CASZ1: variants seen among roughly 807,000 people sequenced by gnomAD.
CASZ1 encodes zinc finger protein castor homolog 1.
Under a neutral mutation model 135.2 loss-of-function variants are expected in CASZ1, and 28 were observed. The observed-to-expected ratio is 0.21, with a 90% CI of 0.15 to 0.28. CASZ1 has a LOEUF of 0.28. Ranked by LOEUF, CASZ1 falls within the 10% of genes least tolerant of loss-of-function variation. The pLI is 1.00. For synonymous variants in CASZ1, 1,068 were observed against 1,073.4 expected, an observed-to-expected ratio of 0.99 and a Z score of 0.10; for missense variants, 2,161 against 2,453.3, an observed-to-expected ratio of 0.88 and a Z score of 2.52.
rs568055668 is a variant in CASZ1, at chr1:10,777,380, C to T, written c.-233-16523G>A. On this transcript the variant is annotated intron_variant, in intron 1 of 20. Transcript: ENST00000377022. The surrounding 1 kb of genome is among the most constrained non-coding windows in gnomAD (Gnocchi z 4.4). ...ACTTCACCCTTCACCCACAAGCCTC[C>T]TTTCTCTTATTGGTCAAACCACCGC... Among the ~76,000 whole-genome samples, 1 of 152,216 alleles carries T rather than the reference C, an allele frequency of 6.6e-6. No homozygotes were observed. The highest frequency in any genetic ancestry group is 2.1e-4 in the South Asian group (1 of 4,798).
intron 5 of CASZ1, among the ~76,000 whole-genome samples, chr1:10,662,599 C>G (rs943828806): frequency 4.1e-5 from 6 of 145,714 alleles, no homozygotes; most frequent in Non-Finnish European, 6.0e-5. Context: ...CACAATCACA[C>G]ACACTCTCAC....
intron 4 of CASZ1, among the ~76,000 whole-genome samples, chr1:10,680,278 C>A (rs7523471): frequency 1.1e-5 from 1 of 93,300 alleles, no homozygotes; most frequent in African/African-American, 4.3e-5. Context: ...GGCGGGGCGG[C>A]GGGGGATGGT....
At chr1:10,661,958 TAC>T (rs201794446) in intron 5 of CASZ1, among the ~76,000 whole-genome samples, 8 of 145,240 alleles carry the variant, frequency 5.5e-5, no homozygotes, top group Admixed American at 1.4e-4. Context: ...CGCCATCACA[TAC>T]ACACTCACAT....
chr1:10,734,768 G>A (rs999680868), intron 2 of CASZ1, among the ~76,000 whole-genome samples: 4 of 152,208 alleles, frequency 2.6e-5, no homozygotes, highest in African/African-American at 9.7e-5. Flanking sequence ...TTCTCTAACC[G>A]GAGCACCACA....
At chr1:10,649,897 G>A (rs969427668) in intron 13 of CASZ1, 1 of 155,240 alleles carries the variant, frequency 6.4e-6, no homozygotes, top group Non-Finnish European at 1.4e-5. Context: ...GGAGGCTCAC[G>A]GGTGAGACCC....
Position 10,647,553 on chromosome 1 carries a change from G to A in CASZ1, c.3497+248C>T. ...CCTGGCCCTGGCAGGATCACCACAT[G>A]CCCTGCAGGAGCAGTAGCCACTGCC... On this transcript the variant is annotated intron_variant, in intron 16 of 20. Coordinates refer to ENST00000377022, the MANE Select transcript of CASZ1 (RefSeq NM_001079843.3). This position sits in a 1 kb window ranked among gnomAD's most constrained non-coding sequence, Gnocchi z 4.9. 3.6e-6 allele frequency: 5 copies of A among 1,391,876 alleles called. No homozygotes were observed. Among genetic ancestry groups the A allele is most frequent in the Non-Finnish European group, 4.7e-6 (5 of 1,072,124 alleles). The allele number at this position is 1,391,876 out of a possible 1,614,324, so 86.2% of individuals were successfully genotyped here. A position where few individuals can be genotyped will look rare whatever the true frequency, so the allele number is the denominator to read the frequency against.
rs749299434 is a variant in CASZ1, at chr1:10,639,645, T to C, written c.4577A>G (p.Asp1526Gly). 1 of 1,606,780 alleles carries C rather than the reference T, an allele frequency of 6.2e-7. No homozygotes were observed. The highest frequency in any genetic ancestry group is 1.1e-5 in the South Asian group (1 of 90,140). Residue 1526 changes from aspartate (D) to glycine (G), a missense_variant, in exon 21 of 21, where the codon GAC becomes GGC. Transcript: ENST00000377022. This position sits in a 1 kb window ranked among gnomAD's most constrained non-coding sequence, Gnocchi z 4.0. ...GCGATGCGCCGTGACCTTGGTGCTG[T>C]CGGTGCAGCGGAAGCGGCAGCGCAG... ...HCLRCRFRCT[D>G]STKVTAHRKH... is the part of the protein sequence containing the mutation.
chr1:10,796,056 G>A (rs1163665636), intron 1 of CASZ1, among the ~76,000 whole-genome samples: 1 of 152,024 alleles, frequency 6.6e-6, no homozygotes, highest in Non-Finnish European at 1.5e-5. Flanking sequence ...TGCTGCTGGG[G>A]GGTGGGGTGG....
At position 10,706,364 on chromosome 1, in the gene CASZ1, A is replaced by T. The variant is rs894165369; in HGVS notation, c.-76-820T>A. ...GCCAGCCTGCTGGCCAGGCCCCCCAACCCTTGCTCAAGCCAGGCCCTGCCC... is the reference window on the plus strand; with the variant it reads ...GCCAGCCTGCTGGCCAGGCCCCCCATCCCTTGCTCAAGCCAGGCCCTGCCC... On this transcript the variant is annotated intron_variant, in intron 2 of 20. Transcript: ENST00000377022. The surrounding 1 kb of genome is among the most constrained non-coding windows in gnomAD (Gnocchi z 4.3). Among the ~76,000 whole-genome samples, 1 of 151,424 alleles carries T rather than the reference A, an allele frequency of 6.6e-6. No homozygotes were observed. Among genetic ancestry groups the T allele is most frequent in the African/African-American group, 2.4e-5 (1 of 41,182 alleles).
At chr1:10,775,073 G>A (rs1000528296) in intron 1 of CASZ1, among the ~76,000 whole-genome samples, 8 of 151,554 alleles carry the variant, frequency 5.3e-5, no homozygotes, top group Non-Finnish European at 7.4e-5. Flanking sequence ...CATTTCCCCC[G>A]CACCAGGCAG....
At chr1:10,673,168 G>T (rs533451739) in intron 4 of CASZ1, among the ~76,000 whole-genome samples, 1 of 152,260 alleles carries the variant, frequency 6.6e-6, no homozygotes, top group South Asian at 2.1e-4. Context: ...AATTCAAATT[G>T]CTTACTTTGT....
Position 10,646,174 on chromosome 1 carries a change from C to T in CASZ1, c.3650G>A (p.Arg1217Gln), listed in dbSNP as rs1346172948. The part of the protein sequence containing the change: ...INPNNNLVNV[R>Q]DQFAYYSLQC... Reference sequence around the variant, plus strand: ...CAGAGAGTAGTATGCAAACTGGTCTCGCACGTTCACCAGGTTGTTGTTGGG... The same window carrying T: ...CAGAGAGTAGTATGCAAACTGGTCTTGCACGTTCACCAGGTTGTTGTTGGG... Residue 1217 changes from arginine (R) to glutamine (Q), a missense_variant, in exon 17 of 21, where the codon CGA (arginine) becomes CAA (glutamine). Physicochemically the swap from Arg to Gln is conservative, Grantham distance 43. This residue lies in a region of CASZ1 where 349 missense variants were observed against 460.8 expected (regional missense o/e 0.76). Coordinates refer to ENST00000377022, the MANE Select transcript of CASZ1 (RefSeq NM_001079843.3). The surrounding 1 kb of genome is among the most constrained non-coding windows in gnomAD (Gnocchi z 6.4). 5 of 1,614,116 alleles carry T rather than the reference C, an allele frequency of 3.1e-6. No individual in the cohort carries two copies. The highest frequency in any genetic ancestry group is 4.5e-5 in the East Asian group (2 of 44,884).
Position 10,694,305 on chromosome 1 carries a change from G to A in CASZ1, c.-23-393C>T. 1 of 1,153,604 alleles carries A rather than the reference G, an allele frequency of 8.7e-7. No homozygotes were observed. Among genetic ancestry groups the A allele is most frequent in the Non-Finnish European group, 1.1e-6 (1 of 912,754 alleles). 71.5% of individuals were successfully genotyped at this position (1,153,604 alleles called of 1,614,324 possible). A position where few individuals can be genotyped will look rare whatever the true frequency, so the allele number is the denominator to read the frequency against. On this transcript the variant is annotated intron_variant, in intron 3 of 20. Coordinates refer to ENST00000377022, the MANE Select transcript of CASZ1 (RefSeq NM_001079843.3). This position sits in a 1 kb window ranked among gnomAD's most constrained non-coding sequence, Gnocchi z 6.6. ...CCGCGCCCGGTACTCACCATAGTCG[G>A]AGAGTCGAAAGCCGAATTCACTTAA... is the stretch of plus-strand genomic sequence containing the variant.
Position 10,640,067 on chromosome 1 carries a change from G to A in CASZ1, c.4163-8C>T. 6.3e-7 allele frequency: 1 copy of A among 1,599,604 alleles called. No individual in the cohort carries two copies. The highest frequency in any genetic ancestry group is 8.5e-7 in the Non-Finnish European group (1 of 1,176,188). On this transcript the variant is annotated splice_region_variant and splice_polypyrimidine_tract_variant and intron_variant, in intron 20 of 20. Transcript: ENST00000377022. The stretch of plus-strand genomic sequence containing the variant: ...GCATAGAGATGGTGTTCCCTGGGGA[G>A]GGGCAGGGAGGTCAGTGCAGAAGAG...
At chr1:10,760,472 G>A (rs1640351969) in intron 2 of CASZ1, among the ~76,000 whole-genome samples, 1 of 152,254 alleles carries the variant, frequency 6.6e-6, no homozygotes, top group Non-Finnish European at 1.5e-5. Flanking sequence ...TAGTGAGTCG[G>A]TGACAAGGCC....
intron 1 of CASZ1, among the ~76,000 whole-genome samples, chr1:10,772,291 C>T (rs539878867): frequency 6.6e-6 from 1 of 152,298 alleles, no homozygotes; most frequent in East Asian, 1.9e-4. Context: ...CCATCAGTCC[C>T]AGGCACCCCC....
In CASZ1 at chr1:10,794,019, C is replaced by T. The variant is rs912483756; in HGVS notation, c.-234+2545G>A. On this transcript the variant is annotated intron_variant, in intron 1 of 20. Transcript: ENST00000377022. The surrounding 1 kb of genome is among the most constrained non-coding windows in gnomAD (Gnocchi z 5.6). ...TCGGGCGCCGAACGGCCCAGCGCCCCCTCCGGGCACGTGGAGCGCAGCCCC... is the reference window on the plus strand; with the variant it reads ...TCGGGCGCCGAACGGCCCAGCGCCCTCTCCGGGCACGTGGAGCGCAGCCCC... 6.6e-6 allele frequency among the ~76,000 whole-genome samples: 1 copy of T among 152,178 alleles called. No individual in the cohort carries two copies. Among genetic ancestry groups the T allele is most frequent in the African/African-American group, 2.4e-5 (1 of 41,452 alleles).
At chr1:10,716,732 G>A (rs150178535) in intron 2 of CASZ1, among the ~76,000 whole-genome samples, 137 of 152,276 alleles carry the variant, frequency 9.0e-4, no homozygotes, top group Middle Eastern at 6.8e-3. Flanking sequence ...CCAGTGGCAG[G>A]TAGCACAGAA....
In CASZ1 at chr1:10,679,440, A is replaced by C. The variant is rs1426170769; in HGVS notation, c.17-13869T>G. Among the ~76,000 whole-genome samples the C allele has an allele frequency of 6.6e-6, 1 of 151,998 alleles. No homozygotes were observed. The highest frequency in any genetic ancestry group is 1.5e-5 in the Non-Finnish European group (1 of 67,980). On this transcript the variant is annotated intron_variant, in intron 4 of 20. Coordinates refer to ENST00000377022, the MANE Select transcript of CASZ1 (RefSeq NM_001079843.3). This position sits in a 1 kb window ranked among gnomAD's most constrained non-coding sequence, Gnocchi z 4.7. The stretch of plus-strand genomic sequence containing the variant: ...GCTCCCTCTGCCGATTCCAGGCTGG[A>C]GTCATTGTTCACCATCAGGATGACT...
Sources: gnomAD v4.1 joint callset for allele counts (sites outside exome capture counted in the v4.1 genomes callset) on GRCh38, gnomAD v4.1.1 for gene constraint, gnomAD v4.1.1 regional missense constraint, Gnocchi (gnomAD v3.1) non-coding constraint, MANE v1.5 for transcripts, NCBI Gene and HGNC (gene_info 2026-07-23, HGNC 2026-07-21) for gene names.